The following CNBD1 variants were observed in gnomAD, a reference collection of about 807,000 sequenced individuals.
CNBD1 encodes the protein cyclic nucleotide binding domain containing 1.
A neutral mutation model predicts 54.4 loss-of-function variants in CNBD1; 71 were observed. The observed-to-expected ratio is 1.30, with a 90% CI of 1.08 to 1.59. The LOEUF is 1.59. Ranked by LOEUF, CNBD1 falls within the 40% of genes most tolerant of loss-of-function variation. CNBD1 has a pLI of 0.00. For missense variants in CNBD1, 659 were observed against 518.0 expected (o/e 1.27, Z -2.64); for synonymous variants, 182 against 170.7 (o/e 1.07, Z -0.51).
rs539908159 is a variant in CNBD1, at chr8:86,995,989, C to T, written c.431+56235C>T. Reference sequence around the variant, plus strand: ...TCTAAATCCCTATCGATATTAAGACCTGCCATGATTTCCACTTATACCCCC... The same window carrying T: ...TCTAAATCCCTATCGATATTAAGACTTGCCATGATTTCCACTTATACCCCC... On this transcript the variant is annotated intron_variant, in intron 4 of 10. Coordinates refer to ENST00000518476, the MANE Select transcript of CNBD1 (RefSeq NM_173538.3). Among the ~76,000 whole-genome samples, 23 of 152,242 alleles carry T rather than the reference C, an allele frequency of 1.5e-4. No homozygotes were observed. The South Asian group carries it at 4.8e-3, about 32-fold the overall frequency.
intron 2 of CNBD1, among the ~76,000 whole-genome samples, chr8:87,411,564 TATTAAA>T (rs1327172932): frequency 6.6e-6 from 1 of 150,704 alleles, no homozygotes; most frequent in Non-Finnish European, 1.5e-5. Context: ...TGATGTCACT[TATTAAA>T]ATTAAATTTA....
intron 8 of CNBD1, among the ~76,000 whole-genome samples, chr8:87,340,917 A>G (rs188111048): frequency 3.3e-5 from 5 of 151,954 alleles, no homozygotes; most frequent in African/African-American, 1.2e-4. Context: ...TTATTTATTT[A>G]TATCTTGATT....
At chr8:87,427,275 C>T (rs888015938) in intron 2 of CNBD1, among the ~76,000 whole-genome samples, 1 of 152,056 alleles carries the variant, frequency 6.6e-6, no homozygotes, top group Admixed American at 6.6e-5. Context: ...TCATTACAAT[C>T]AAATGAGTTT....
chr8:86,909,128 T>A (rs550129249), intron 3 of CNBD1, among the ~76,000 whole-genome samples: 4 of 152,316 alleles, frequency 2.6e-5, no homozygotes, highest in East Asian at 1.9e-4. Context: ...TCATTTTTTT[T>A]AAAACAACAA....
At chr8:87,422,595 G>A (rs560126436) in intron 2 of CNBD1, among the ~76,000 whole-genome samples, 27 of 152,122 alleles carry the variant, frequency 1.8e-4, no homozygotes, top group South Asian at 1.0e-3. Flanking sequence ...GATATGCGGC[G>A]TTATTTCTGA....
At chr8:87,227,221 G>T (rs1258103316) in intron 5 of CNBD1, among the ~76,000 whole-genome samples, 3 of 151,508 alleles carry the variant, frequency 2.0e-5, no homozygotes, top group African/African-American at 7.3e-5. Flanking sequence ...CTTTTAATTG[G>T]AGCATTTAGT....
chr8:86,960,801 C>T (rs1269431889), intron 4 of CNBD1, among the ~76,000 whole-genome samples: 1 of 152,148 alleles, frequency 6.6e-6, no homozygotes, highest in Non-Finnish European at 1.5e-5. Context: ...GAGGAAGGAT[C>T]AGGCAGCAAC....
intron 2 of CNBD1, among the ~76,000 whole-genome samples, chr8:86,888,921 C>CA (rs1808724871): frequency 6.6e-6 from 1 of 152,078 alleles, no homozygotes; most frequent in Non-Finnish European, 1.5e-5. Flanking sequence ...CTAGTTCTCT[C>CA]AAAGTATCCC....
At chr8:87,336,573 G>C (rs533532182) in intron 8 of CNBD1, among the ~76,000 whole-genome samples, 2 of 152,184 alleles carry the variant, frequency 1.3e-5, no homozygotes, top group Non-Finnish European at 2.9e-5. Flanking sequence ...CTCTAGACTG[G>C]TAATTCCAGT....
chr8:87,260,980 A>G (rs1215933975), intron 6 of CNBD1, among the ~76,000 whole-genome samples: 2 of 152,162 alleles, frequency 1.3e-5, no homozygotes, highest in Non-Finnish European at 2.9e-5. Flanking sequence ...GAAAAATGAC[A>G]CAAAGGGATA....
At chr8:86,986,428 C>T (rs957258491) in intron 4 of CNBD1, among the ~76,000 whole-genome samples, 6 of 152,032 alleles carry the variant, frequency 3.9e-5, no homozygotes, top group Non-Finnish European at 7.4e-5. Context: ...TTGATGGATG[C>T]ATAGTTCACA....
intron 2 of CNBD1, among the ~76,000 whole-genome samples, chr8:86,903,184 A>T (rs930509356): frequency 6.6e-6 from 1 of 152,122 alleles, no homozygotes; most frequent in African/African-American, 2.4e-5. Flanking sequence ...CACTGAATCC[A>T]TGTACATTAC....
chr8:86,978,743 A>G (rs1217288580), intron 4 of CNBD1, among the ~76,000 whole-genome samples: 3 of 151,622 alleles, frequency 2.0e-5, no homozygotes, highest in Non-Finnish European at 4.4e-5. Context: ...GGGTTTCTCC[A>G]TGTTGGTCTC....
intron 3 of CNBD1, among the ~76,000 whole-genome samples, chr8:86,926,004 T>C (rs1251155633): frequency 6.6e-6 from 1 of 152,146 alleles, no homozygotes; most frequent in East Asian, 1.9e-4. Context: ...CCAGCTTTTA[T>C]TCCCTTATTG....
At chr8:87,136,088 T>G (rs547574374) in intron 4 of CNBD1, among the ~76,000 whole-genome samples, 1 of 151,994 alleles carries the variant, frequency 6.6e-6, no homozygotes, top group African/African-American at 2.4e-5. Flanking sequence ...CTTTTTTTGC[T>G]TGGAGAAGAT....
At chr8:87,220,464 C>A (rs746424930) in intron 5 of CNBD1, among the ~76,000 whole-genome samples, 1 of 150,552 alleles carries the variant, frequency 6.6e-6, no homozygotes, top group South Asian at 2.1e-4. Flanking sequence ...CTGTCCCTTA[C>A]AAGAGTTCTC....
downstream of CNBD1, among the ~76,000 whole-genome samples, chr8:87,387,331 A>T (rs1346567769): frequency 3.3e-5 from 5 of 152,070 alleles, no homozygotes; most frequent in Admixed American, 3.3e-4. Flanking sequence ...AAGAGCCAAG[A>T]CCCATCAATG....
chr8:86,994,654 C>A (rs1020757186), intron 4 of CNBD1, among the ~76,000 whole-genome samples: 10 of 152,088 alleles, frequency 6.6e-5, no homozygotes, highest in Admixed American at 4.6e-4. Context: ...TCCCAGAATC[C>A]ATTCAGGGCT....
rs946908532 is a variant in CNBD1, at chr8:87,388,078, C to G, written c.213+34292C>G. On this transcript the variant is annotated intron_variant, in intron 2 of 7. Coordinates refer to the CNBD1 transcript ENST00000521593. ...CAAACGAGAACAAGGACACAACACA[C>G]CAGAATCTCTGGGACACATTCAAAA... Among the ~76,000 whole-genome samples the G allele has an allele frequency of 2.6e-5, 4 of 152,094 alleles. No homozygotes were observed. The South Asian group carries it at 8.3e-4, about 32-fold the overall frequency.
Sources: gnomAD v4.1 joint callset for allele counts (sites outside exome capture counted in the v4.1 genomes callset) on GRCh38, gnomAD v4.1.1 for gene constraint, MANE v1.5 for transcripts, NCBI Gene and HGNC (gene_info 2026-07-23, HGNC 2026-07-21) for gene names.